GNAI1: variants seen among roughly 807,000 people sequenced by gnomAD.
The protein encoded by GNAI1 is guanine nucleotide-binding protein G(i) subunit alpha-1.
GNAI1 carries 11 observed loss-of-function variants against 38.9 expected under a neutral mutation model. That is an observed-to-expected ratio of 0.28 (90% confidence interval 0.18 to 0.47). The LOEUF (loss-of-function observed/expected upper bound fraction) is 0.47, where lower values mean the gene tolerates loss of function less well. Among genes scored for constraint, GNAI1 ranks in the 20% least tolerant of loss-of-function variants. The pLI, the probability that GNAI1 is intolerant of heterozygous loss-of-function variation, is 0.99. For missense variants in GNAI1, 317 were observed against 436.9 expected (o/e 0.73, Z 2.45); for synonymous variants, 166 against 145.1 (o/e 1.14, Z -1.04).
chr7:80,206,818 A>C lies in GNAI1; in HGVS notation c.590+2986A>C, dbSNP rs182015104. Among the ~76,000 whole-genome samples, 261 of 152,168 alleles carry C rather than the reference A, an allele frequency of 1.7e-3. 1 individual carries two copies. The highest frequency in any genetic ancestry group is 6.1e-3 in the African/African-American group (253 of 41,550). ...ATACATATCTATGATAAAGTTTATA[A>C]ATTCAGCACAGTAAGAGACTAACAA... On this transcript the variant is annotated intron_variant, in intron 5 of 7. Coordinates refer to ENST00000649796, the MANE Select transcript of GNAI1 (RefSeq NM_002069.6).
intron 1 of GNAI1, among the ~76,000 whole-genome samples, chr7:80,158,844 T>C (rs1787864961): frequency 6.6e-6 from 1 of 152,220 alleles, no homozygotes; most frequent in Non-Finnish European, 1.5e-5. Context: ...CTGGGATATG[T>C]AGGGAGGACC....
At chr7:80,136,614 G>A (rs940697294) in intron 1 of GNAI1, among the ~76,000 whole-genome samples, 1 of 152,130 alleles carries the variant, frequency 6.6e-6, no homozygotes, top group African/African-American at 2.4e-5. Context: ...GTTTGCCTAA[G>A]TTTTTACATT....
chr7:80,219,672 T>C lies in GNAI1; in HGVS notation c.*2179T>C, dbSNP rs1247585533. Among the ~76,000 whole-genome samples, 2 of 152,208 alleles carry C rather than the reference T, an allele frequency of 1.3e-5. No homozygotes were observed. Among genetic ancestry groups the C allele is most frequent in the Non-Finnish European group, 2.9e-5 (2 of 68,030 alleles). ...CTTACACCAGTTCTCACCCTGACTT[T>C]GCCATTTTTCCTTACTAAGTACCAT... On this transcript the variant is annotated 3_prime_UTR_variant, in exon 8 of 8. Transcript: ENST00000649796.
Position 80,185,516 on chromosome 7 carries a change from C to T in GNAI1, c.119-3435C>T, listed in dbSNP as rs1020973371. ...CTGTCCTATGGCTTTACCCTGCATT[C>T]GTTGACCGTTCAATCTGTACACTTC... On this transcript the variant is annotated intron_variant, in intron 1 of 7. Coordinates refer to ENST00000649796, the MANE Select transcript of GNAI1 (RefSeq NM_002069.6). Among the ~76,000 whole-genome samples, 8 of 152,166 alleles carry T rather than the reference C, an allele frequency of 5.3e-5. No homozygotes were observed. The East Asian group carries it at 1.4e-3, about 26-fold the overall frequency.
At chr7:80,182,898 T>A (rs907377731) in intron 1 of GNAI1, among the ~76,000 whole-genome samples, 4 of 152,174 alleles carry the variant, frequency 2.6e-5, no homozygotes, top group Admixed American at 2.6e-4. Context: ...ATGACCATCA[T>A]GTTAGCTAAT....
intron 1 of GNAI1, among the ~76,000 whole-genome samples, chr7:80,152,923 A>G (rs1787753606): frequency 6.6e-6 from 1 of 152,084 alleles, no homozygotes; most frequent in Non-Finnish European, 1.5e-5. Flanking sequence ...AAAAGATTTC[A>G]AATGAAAAGT....
At chr7:80,192,447 A>C (rs923968358) in intron 3 of GNAI1, among the ~76,000 whole-genome samples, 1 of 152,204 alleles carries the variant, frequency 6.6e-6, no homozygotes, top group Admixed American at 6.5e-5. Flanking sequence ...TGCCCTTAGC[A>C]TTAAATTGGG....
intron 1 of GNAI1, chr7:80,135,846 G>A: frequency 1.0e-6 from 1 of 985,266 alleles, no homozygotes; most frequent in Non-Finnish European, 1.2e-6. Context: ...TGGTCAAGGA[G>A]CGCTGATTAC....
chr7:80,160,951 A>G (rs1354331422), intron 1 of GNAI1, among the ~76,000 whole-genome samples: 1 of 152,154 alleles, frequency 6.6e-6, no homozygotes, highest in Non-Finnish European at 1.5e-5. Context: ...CCAAATTTCC[A>G]CAAACCAAGT....
At chr7:80,144,977 G>A (rs959297592) in intron 1 of GNAI1, among the ~76,000 whole-genome samples, 1 of 152,066 alleles carries the variant, frequency 6.6e-6, no homozygotes, top group African/African-American at 2.4e-5. Flanking sequence ...ACTATAAGAT[G>A]GTGCTCCTCT....
chr7:80,195,288 G>A (rs1788548540), intron 3 of GNAI1, among the ~76,000 whole-genome samples: 1 of 151,690 alleles, frequency 6.6e-6, no homozygotes, highest in Admixed American at 6.6e-5. Context: ...CTGCAATTTG[G>A]TTAAAAATTT....
chr7:80,219,051 G>GTGTA lies in GNAI1; in HGVS notation c.*1561_*1562insATGT. 6.6e-6 allele frequency: 1 copy of GTGTA among 152,432 alleles called. No homozygotes were observed. The allele number at this position is 152,432 out of a possible 1,614,324, so 9.4% of individuals were successfully genotyped here. On this transcript the variant is annotated 3_prime_UTR_variant, in exon 8 of 8. Transcript: ENST00000649796. ...TTTGTGTGTGTGTGTGTGTGTGTGT[G>GTGTA]TGTGTGTGTAACCATAAACTATATT...
intron 1 of GNAI1, among the ~76,000 whole-genome samples, chr7:80,159,876 C>T (rs1392179070): frequency 6.6e-6 from 1 of 152,048 alleles, no homozygotes; most frequent in Admixed American, 6.6e-5. Context: ...GAAAACACAT[C>T]TCATAGGGAT....
At chr7:80,153,810 C>T (rs1444250702) in intron 1 of GNAI1, among the ~76,000 whole-genome samples, 1 of 152,138 alleles carries the variant, frequency 6.6e-6, no homozygotes, top group African/African-American at 2.4e-5. Flanking sequence ...TCTTCTGTAA[C>T]TTCTTTGTTT....
intron 3 of GNAI1, among the ~76,000 whole-genome samples, chr7:80,198,109 T>C (rs1788612951): frequency 6.6e-6 from 1 of 151,928 alleles, no homozygotes; most frequent in African/African-American, 2.4e-5. Context: ...TGTTATTACT[T>C]GGAAACTAGA....
At chr7:80,187,433 A>T (rs1788407960) in intron 1 of GNAI1, 1 of 152,276 alleles carries the variant, frequency 6.6e-6, no homozygotes, top group African/African-American at 2.4e-5. Flanking sequence ...CAGGAATCAC[A>T]TGCAGAGTGG....
chr7:80,189,009 C>T lies in GNAI1; in HGVS notation c.161+16C>T, dbSNP rs1274582441. 1 of 1,605,724 alleles carries T rather than the reference C, an allele frequency of 6.2e-7. No homozygotes were observed. Among genetic ancestry groups the T allele is most frequent in the Admixed American group, 1.7e-5 (1 of 59,984 alleles). ...AGCAGATGAAGTAAGTAGATTTAAA[C>T]ACCAAATTTGCTGTTTAAGTTAGTG... On this transcript the variant is annotated intron_variant, in intron 2 of 7. Coordinates refer to ENST00000649796, the MANE Select transcript of GNAI1 (RefSeq NM_002069.6).
At chr7:80,158,261 A>AT (rs1360081186) in intron 1 of GNAI1, among the ~76,000 whole-genome samples, 30 of 152,124 alleles carry the variant, frequency 2.0e-4, no homozygotes, top group African/African-American at 7.2e-4. Flanking sequence ...CTACAAAATA[A>AT]TTTGCTGGCT....
At chr7:80,143,394 T>C (rs1161515966) in intron 1 of GNAI1, among the ~76,000 whole-genome samples, 1 of 152,176 alleles carries the variant, frequency 6.6e-6, no homozygotes, top group Non-Finnish European at 1.5e-5. Flanking sequence ...TGGTTATAAA[T>C]CTGTCAGTTG....
Sources: gnomAD v4.1 joint callset for allele counts (sites outside exome capture counted in the v4.1 genomes callset) on GRCh38, gnomAD v4.1.1 for gene constraint, MANE v1.5 for transcripts, NCBI Gene and HGNC (gene_info 2026-07-23, HGNC 2026-07-21) for gene names.